MTHFD1L: variants seen among roughly 807,000 people sequenced by gnomAD.
MTHFD1L encodes monofunctional C1-tetrahydrofolate synthase, mitochondrial.
MTHFD1L carries 81 observed loss-of-function variants against 119.5 expected under a neutral mutation model. The observed-to-expected ratio is 0.68, with a 90% confidence interval of 0.57 to 0.82. The LOEUF (loss-of-function observed/expected upper bound fraction) is 0.82. MTHFD1L is among the 40% of genes least tolerant of loss of function. The pLI is 0.00. For missense variants in MTHFD1L, 1,125 were observed against 1,253.4 expected, an observed-to-expected ratio of 0.90 and a Z score of 1.55; for synonymous variants, 430 against 475.2, an observed-to-expected ratio of 0.90 and a Z score of 1.24.
At chr6:151,018,255 C>T (rs1044388156) in intron 24 of MTHFD1L, among the ~76,000 whole-genome samples, 3 of 152,206 alleles carry the variant, frequency 2.0e-5, no homozygotes, top group African/African-American at 7.2e-5. Context: ...CACAGACACT[C>T]TTCTTTCCTG....
chr6:150,896,488 ACTGGACCCTCCTGGGCATCACAGC>A (rs1159472921), intron 7 of MTHFD1L, among the ~76,000 whole-genome samples: 1 of 152,170 alleles, frequency 6.6e-6, no homozygotes, highest in African/African-American at 2.4e-5. Context: ...AGAAAAAAGC[ACTGGACCCTCCTGGGCATCACAGC>A]CTTGTACTTA....
chr6:150,999,329 C>G (rs897829393), intron 20 of MTHFD1L, among the ~76,000 whole-genome samples: 11 of 152,126 alleles, frequency 7.2e-5, no homozygotes, highest in African/African-American at 2.4e-4. Flanking sequence ...AATGGCCAAG[C>G]CTGTCAGAAT....
intron 20 of MTHFD1L, among the ~76,000 whole-genome samples, chr6:150,976,145 G>A (rs2064973): frequency 0.43 from 65,777 of 151,948 alleles, 16,379 homozygotes; most frequent in African/African-American, 0.65. Context: ...AGGTTGCAGT[G>A]AGCTGAGATC....
At chr6:150,873,097 A>T (rs1385310066) in intron 1 of MTHFD1L, among the ~76,000 whole-genome samples, 2 of 152,082 alleles carry the variant, frequency 1.3e-5, no homozygotes. Flanking sequence ...TGGGCGGATC[A>T]CGAGGTCAAG....
chr6:150,955,342 G>A (rs901731340), intron 16 of MTHFD1L, among the ~76,000 whole-genome samples: 2 of 152,192 alleles, frequency 1.3e-5, no homozygotes, highest in East Asian at 1.9e-4. Context: ...TCCATTGCCT[G>A]TCTGTGCCAC....
At chr6:150,882,287 A>C (rs1228391495) in intron 4 of MTHFD1L, among the ~76,000 whole-genome samples, 1 of 152,206 alleles carries the variant, frequency 6.6e-6, no homozygotes, top group East Asian at 1.9e-4. Flanking sequence ...GGACGTCATG[A>C]TTAGTGAGCT....
intron 4 of MTHFD1L, among the ~76,000 whole-genome samples, chr6:150,882,525 A>T (rs1243001249): frequency 2.0e-5 from 3 of 152,176 alleles, no homozygotes; most frequent in Non-Finnish European, 4.4e-5. Context: ...AAAGGCAGAG[A>T]AGTCACTAAA....
intron 20 of MTHFD1L, among the ~76,000 whole-genome samples, chr6:151,006,546 C>A (rs889068528): frequency 1.3e-5 from 2 of 151,922 alleles, no homozygotes. Context: ...ACTACACGGG[C>A]GCATTGAAGG....
rs2295084 is a variant in MTHFD1L at position 150,922,098 on chromosome 6, C to G, written c.985-107C>G. ...TATCCTCCTGGCTTATTGTGCGACTCGATAATCTTGTTTTGTAACATCCAC... is the reference window on the plus strand; with the variant it reads ...TATCCTCCTGGCTTATTGTGCGACTGGATAATCTTGTTTTGTAACATCCAC... On this transcript the variant is annotated intron_variant, in intron 9 of 27. Transcript: ENST00000367321. 5 of 797,686 alleles carry G rather than the reference C, an allele frequency of 6.3e-6. No individual in the cohort carries two copies. In the African/African-American group the frequency reaches 6.7e-5, roughly 11 times the overall value. The allele number at this position is 797,686 out of a possible 1,614,324, so 49.4% of individuals were successfully genotyped here. A position where few individuals can be genotyped will look rare whatever the true frequency, so the allele number is the denominator to read the frequency against.
chr6:150,980,880 C>T (rs941504033), intron 20 of MTHFD1L, among the ~76,000 whole-genome samples: 4 of 152,070 alleles, frequency 2.6e-5, no homozygotes, highest in Admixed American at 2.6e-4. Flanking sequence ...TTTGACCACA[C>T]ACATATATGT....
At chr6:150,917,377 G>T (rs1253946256) in intron 8 of MTHFD1L, among the ~76,000 whole-genome samples, 3 of 152,166 alleles carry the variant, frequency 2.0e-5, no homozygotes, top group Non-Finnish European at 4.4e-5. Flanking sequence ...ACAAAAATTA[G>T]CCGGGAGTGT....
chr6:151,085,782 C>G (rs769946980), intron 26 of MTHFD1L, among the ~76,000 whole-genome samples: 5 of 147,782 alleles, frequency 3.4e-5, no homozygotes, highest in African/African-American at 1.2e-4. Context: ...AAAAAAAAAA[C>G]AATGACTTTG....
chr6:151,092,401 C>A, intron 26 of MTHFD1L, 66 bp from the exon 27 acceptor site: 1 of 1,209,364 alleles, frequency 8.3e-7, no homozygotes, highest in Non-Finnish European at 1.2e-6. Flanking sequence ...AGTTAATTTG[C>A]ATCATCAGAT....
At chr6:151,048,206 G>A (rs371256982) in intron 26 of MTHFD1L, among the ~76,000 whole-genome samples, 4 of 152,180 alleles carry the variant, frequency 2.6e-5, no homozygotes, top group Admixed American at 1.3e-4. Flanking sequence ...ATGGAGGAAC[G>A]GTGCCCTTGT....
At chr6:150,930,999 T>C (rs1416338362) in intron 11 of MTHFD1L, among the ~76,000 whole-genome samples, 2 of 152,220 alleles carry the variant, frequency 1.3e-5, no homozygotes, top group Admixed American at 1.3e-4. Context: ...CAGGGAAATA[T>C]GCCAAAAGAA....
At chr6:150,889,997 A>G (rs934290018) in intron 7 of MTHFD1L, among the ~76,000 whole-genome samples, 2 of 152,004 alleles carry the variant, frequency 1.3e-5, no homozygotes, top group African/African-American at 4.8e-5. Flanking sequence ...TCTCTACTAA[A>G]AATATAAAAT....
rs1332835678 is a variant in MTHFD1L at position 150,944,571 on chromosome 6, A to G, written c.1526A>G (p.His509Arg). ...GCCGCCATCGACACGAGGATTCTTC[A>G]TGAAAACACGCAAACAGATAAGGTG... is the stretch of plus-strand genomic sequence containing the variant. ...LAAAIDTRILHENTQTDKALY... is the reference protein window; with the variant it reads ...LAAAIDTRILRENTQTDKALY... The change falls in exon 14 of 28, where the codon CAT (histidine) becomes CGT (arginine). Residue 509 changes from histidine (H) to arginine (R), a missense_variant. By Grantham distance (29) the His-to-Arg change is conservative (BLOSUM62 0). Coordinates refer to ENST00000367321, the MANE Select transcript of MTHFD1L (RefSeq NM_015440.5). The G allele has an allele frequency of 1.4e-5, 23 of 1,613,736 alleles. No homozygotes were observed. The highest frequency in any genetic ancestry group is 2.2e-5 in the East Asian group (1 of 44,890).
At chr6:150,968,794 C>T (rs1044129971) in intron 19 of MTHFD1L, among the ~76,000 whole-genome samples, 1 of 127,908 alleles carries the variant, frequency 7.8e-6, no homozygotes, top group Non-Finnish European at 1.6e-5. Context: ...GAATTACAGG[C>T]GTGAGCCACC....
In MTHFD1L at chr6:150,959,082, A is replaced by G. The variant is rs1052560813; in HGVS notation, c.1804-1193A>G. 13 of 663,852 alleles carry G rather than the reference A, an allele frequency of 2.0e-5. No homozygotes were observed. In the South Asian group the frequency reaches 4.7e-4, roughly 24 times the overall value. 41.1% of individuals were successfully genotyped at this position (663,852 alleles called of 1,614,324 possible). A position where few individuals can be genotyped will look rare whatever the true frequency, so the allele number is the denominator to read the frequency against. On this transcript the variant is annotated intron_variant, in intron 17 of 27. Coordinates refer to ENST00000367321, the MANE Select transcript of MTHFD1L (RefSeq NM_015440.5). ...TATAGAGAACCCTAAATTTCATACA[A>G]TGAAAGACCACTTATGTTTGGAATG...
Sources: gnomAD v4.1 joint callset for allele counts (sites outside exome capture counted in the v4.1 genomes callset) on GRCh38, gnomAD v4.1.1 for gene constraint, MANE v1.5 for transcripts, NCBI Gene and HGNC (gene_info 2026-07-23, HGNC 2026-07-21) for gene names.